The following RAD23B variants were observed in gnomAD, a reference collection of about 807,000 sequenced individuals.
The protein encoded by RAD23B is RAD23 nucleotide excision repair protein B, also known as lysine-specific demethylase RAD23B.
In RAD23B, 5 loss-of-function variants were observed where a neutral mutation model predicts 49.1. The observed-to-expected ratio is 0.10, with a 90% CI of 0.05 to 0.21. The LOEUF is 0.21. RAD23B is among the 10% of genes least tolerant of loss of function. The pLI, the probability that RAD23B is intolerant of heterozygous loss-of-function variation, is 1.00. For missense variants in RAD23B, 356 were observed against 486.7 expected (o/e 0.73, Z 2.53); for synonymous variants, 184 against 165.4 (o/e 1.11, Z -0.86).
chr9:107,318,931 CAAAG>C lies in RAD23B; in HGVS notation c.681+56_681+59del, dbSNP rs774212344. The C allele has an allele frequency of 1.2e-5, 18 of 1,529,374 alleles. No homozygotes were observed. Among genetic ancestry groups the C allele is most frequent in the Non-Finnish European group, 1.4e-5 (16 of 1,120,218 alleles). The allele number at this position is 1,529,374 out of a possible 1,614,324, so 94.7% of individuals were successfully genotyped here. The stretch of plus-strand genomic sequence containing the variant: ...ATTCTGTTGTTTAAGATTAAAATCT[CAAAG>C]AAACAGATTTTAAAGGACCAGTTCA... On this transcript the variant is annotated intron_variant, in intron 6 of 9. Transcript: ENST00000358015. The surrounding 1 kb of genome is among the most constrained non-coding windows in gnomAD (Gnocchi z 4.3).
At chr9:107,309,375 T>C (rs1279584113) in intron 4 of RAD23B, among the ~76,000 whole-genome samples, 1 of 152,186 alleles carries the variant, frequency 6.6e-6, no homozygotes, top group Non-Finnish European at 1.5e-5. Context: ...GGCTTTGTTA[T>C]TGAGTGAAAA....
chr9:107,293,228 A>G (rs1056071056), intron 1 of RAD23B, among the ~76,000 whole-genome samples: 2 of 152,150 alleles, frequency 1.3e-5, no homozygotes, highest in Admixed American at 6.5e-5. Flanking sequence ...TTATATATAA[A>G]CCAGCCTCAG....
intron 1 of RAD23B, among the ~76,000 whole-genome samples, chr9:107,291,959 G>A (rs7030631): frequency 0.74 from 113,251 of 152,128 alleles, 43,133 homozygotes; most frequent in African/African-American, 0.92. Context: ...AATTACTCAA[G>A]TAATTCAGGC....
chr9:107,317,267 T>G (rs986545215), intron 5 of RAD23B, among the ~76,000 whole-genome samples: 3 of 151,908 alleles, frequency 2.0e-5, no homozygotes, highest in African/African-American at 7.3e-5. Context: ...TGGGGTGTAA[T>G]TTAGAGATAG....
In RAD23B at chr9:107,311,655, T is replaced by C. The variant is rs371974204; in HGVS notation, c.498-27T>C. On this transcript the variant is annotated intron_variant, in intron 4 of 9. Coordinates refer to ENST00000358015, the MANE Select transcript of RAD23B (RefSeq NM_002874.5). ...ATTAAATTTTATATACTTTTTAAAA[T>C]GTGATTTTTCTAAAATCCTTTTGTA... is the stretch of plus-strand genomic sequence containing the variant. 12 of 1,534,980 alleles carry C rather than the reference T, an allele frequency of 7.8e-6. No homozygotes were observed. The African/African-American group carries it at 1.7e-4, about 22-fold the overall frequency.
chr9:107,317,837 G>T (rs1439084395), intron 5 of RAD23B, among the ~76,000 whole-genome samples: 1 of 152,032 alleles, frequency 6.6e-6, no homozygotes, highest in Non-Finnish European at 1.5e-5. Flanking sequence ...AAGTGACTTG[G>T]AATATTAGCG....
chr9:107,286,203 A>G (rs1490748289), intron 1 of RAD23B, among the ~76,000 whole-genome samples: 1 of 152,212 alleles, frequency 6.6e-6, no homozygotes, highest in Non-Finnish European at 1.5e-5. Flanking sequence ...ATGAGCAAAA[A>G]TGGAAGAAAG....
At chr9:107,291,133 G>T (rs11573630) in intron 1 of RAD23B, among the ~76,000 whole-genome samples, 5,932 of 152,264 alleles carry the variant, frequency 0.039, 349 homozygotes, top group African/African-American at 0.13. Context: ...GATTCTGGAG[G>T]CTTAAACAGG....
Position 107,302,031 on chromosome 9 carries a change from T to C in RAD23B, c.149-4T>C, listed in dbSNP as rs1826665763. 6.2e-7 allele frequency: 1 copy of C among 1,611,594 alleles called. No individual in the cohort carries two copies. The highest frequency in any genetic ancestry group is 1.3e-5 in the African/African-American group (1 of 74,896). On this transcript the variant is annotated splice_polypyrimidine_tract_variant and splice_region_variant and intron_variant, in intron 2 of 9. Transcript: ENST00000358015. ...AATGATTTTTTTTTCTCTTAATGTA[T>C]TAGGCAAAATCCTCAATGATGATAC...
In RAD23B at chr9:107,306,506, C is replaced by A. The variant is rs55815226; in HGVS notation, c.356C>A (p.Pro119His). 2.8e-5 allele frequency: 45 copies of A among 1,614,168 alleles called. No individual in the cohort carries two copies. In the African/African-American group the frequency reaches 4.5e-4, roughly 16 times the overall value. The change falls in exon 4 of 10, where the codon CCC (proline) becomes CAC (histidine). Residue 119 changes from proline to histidine, a missense_variant. Transcript: ENST00000358015. ...QAPTPVPALA[P>H]TSTPASITPA... ...CCAACCCCTGTCCCTGCCTTGGCCC[C>A]CACTTCCACACCTGCATCCATCACT... is the stretch of plus-strand genomic sequence containing the variant.
intron 3 of RAD23B, among the ~76,000 whole-genome samples, chr9:107,305,512 A>G (rs1826744146): frequency 6.6e-6 from 1 of 152,118 alleles, no homozygotes; most frequent in Non-Finnish European, 1.5e-5. Context: ...AAAAATTATC[A>G]TGTAAGTGGA....
chr9:107,300,114 CA>C lies in RAD23B; in HGVS notation c.67-23del, dbSNP rs763824002. On this transcript the variant is annotated intron_variant, in intron 1 of 9. Transcript: ENST00000358015. ...TGTCATTTTTTATTTAGACTTTTTC[CA>C]AAACAAATCTTTATTTTTCCTATAG... 8.2e-6 allele frequency: 13 copies of C among 1,578,926 alleles called. No individual in the cohort carries two copies. In the South Asian group the frequency reaches 1.3e-4, roughly 16 times the overall value.
At chr9:107,300,676 A>AAATCAG (rs1378119903) in intron 2 of RAD23B, among the ~76,000 whole-genome samples, 18 of 152,206 alleles carry the variant, frequency 1.2e-4, no homozygotes, top group Non-Finnish European at 1.5e-5. Context: ...GAATTCTTAG[A>AAATCAG]AATCAGTAAG....
intron 3 of RAD23B, among the ~76,000 whole-genome samples, chr9:107,305,760 A>G (rs1826749488): frequency 2.0e-5 from 3 of 152,104 alleles, no homozygotes; most frequent in Admixed American, 2.0e-4. Flanking sequence ...CTAAAAATAC[A>G]GTACAACAGA....
rs1042545347 is a variant in RAD23B at position 107,283,611 on chromosome 9, C to G, written c.-19C>G. On this transcript the variant is annotated 5_prime_UTR_variant, in exon 1 of 10. Coordinates refer to ENST00000358015, the MANE Select transcript of RAD23B (RefSeq NM_002874.5). ...CAGCACCCGGCGCAGGCCCGGCAGC[C>G]GAGCTGCGCGGCGGCACCATGCAGG... 6.8e-7 allele frequency: 1 copy of G among 1,470,720 alleles called. No individual in the cohort carries two copies. The highest frequency in any genetic ancestry group is 2.4e-5 in the Admixed American group (1 of 41,180). The allele number at this position is 1,470,720 out of a possible 1,614,324, so 91.1% of individuals were successfully genotyped here. A position where few individuals can be genotyped will look rare whatever the true frequency, so the allele number is the denominator to read the frequency against.
intron 1 of RAD23B, among the ~76,000 whole-genome samples, chr9:107,298,424 C>G (rs1311453871): frequency 6.7e-6 from 1 of 149,982 alleles, no homozygotes; most frequent in South Asian, 2.1e-4. Context: ...TCTTGTACCT[C>G]GTCCTCCCAA....
intron 1 of RAD23B, among the ~76,000 whole-genome samples, chr9:107,289,204 C>A (rs1365947543): frequency 6.7e-6 from 1 of 148,972 alleles, no homozygotes; most frequent in Non-Finnish European, 1.5e-5. Context: ...CTTCCTTTTT[C>A]AACAAGGTCT....
chr9:107,314,948 T>A (rs566138357), intron 5 of RAD23B, among the ~76,000 whole-genome samples: 5 of 152,214 alleles, frequency 3.3e-5, no homozygotes, highest in African/African-American at 1.2e-4. Flanking sequence ...TTTTGAAGAA[T>A]GTTTTTTGCC....
rs1337310261 is a variant in RAD23B, at chr9:107,330,381, A to G, written c.*725A>G. On this transcript the variant is annotated 3_prime_UTR_variant, in exon 10 of 10. Transcript: ENST00000358015. This position sits in a 1 kb window ranked among gnomAD's most constrained non-coding sequence, Gnocchi z 4.4. ...TTTACATTTTTTTTTTGTTTTGGGGAAAAAATTGGTAGGTGTCTAATTACT... is the reference window on the plus strand; with the variant it reads ...TTTACATTTTTTTTTTGTTTTGGGGGAAAAATTGGTAGGTGTCTAATTACT... 2.6e-5 allele frequency: 4 copies of G among 152,096 alleles called. No homozygotes were observed. The highest frequency in any genetic ancestry group is 5.9e-5 in the Non-Finnish European group (4 of 67,956). 9.4% of individuals were successfully genotyped at this position (152,096 alleles called of 1,614,324 possible).
Sources: gnomAD v4.1 joint callset for allele counts (sites outside exome capture counted in the v4.1 genomes callset) on GRCh38, gnomAD v4.1.1 for gene constraint, Gnocchi (gnomAD v3.1) non-coding constraint, MANE v1.5 for transcripts, NCBI Gene and HGNC (gene_info 2026-07-23, HGNC 2026-07-21) for gene names.